The following LRBA variants were observed in gnomAD, a reference collection of about 807,000 sequenced individuals.
LRBA encodes the protein LPS responsive beige-like anchor protein, also known as lipopolysaccharide-responsive and beige-like anchor protein.
A neutral mutation model predicts 330.0 loss-of-function variants in LRBA; 176 were observed. That is an observed-to-expected ratio of 0.53 (90% CI 0.47 to 0.60). The LOEUF is 0.60. Ranked by LOEUF, LRBA falls within the 20% of genes least tolerant of loss-of-function variation. LRBA has a pLI of 0.00. For synonymous variants in LRBA, 1,230 were observed against 1,193.0 expected, an observed-to-expected ratio of 1.03 and a Z score of -0.64; for missense variants, 3,259 against 3,444.8, an observed-to-expected ratio of 0.95 and a Z score of 1.35.
chr4:150,910,909 T>C (rs1412941238), intron 9 of LRBA, among the ~76,000 whole-genome samples: 2 of 152,202 alleles, frequency 1.3e-5, no homozygotes, highest in African/African-American at 4.8e-5. Flanking sequence ...GCCACCTTGG[T>C]TGAGTTTATT....
chr4:150,960,879 G>A (rs936225655), intron 2 of LRBA, among the ~76,000 whole-genome samples: 2 of 149,310 alleles, frequency 1.3e-5, no homozygotes, highest in South Asian at 4.1e-4. Context: ...GTAACTCACA[G>A]CCTGTATTAA....
At chr4:150,561,874 A>C (rs756713096) in intron 40 of LRBA, among the ~76,000 whole-genome samples, 12 of 152,156 alleles carry the variant, frequency 7.9e-5, no homozygotes, top group Non-Finnish European at 1.2e-4. Flanking sequence ...TCCTGTACTA[A>C]ACAACACCCT....
intron 44 of LRBA, among the ~76,000 whole-genome samples, chr4:150,442,408 T>C (rs1751961813): frequency 6.6e-6 from 1 of 152,142 alleles, no homozygotes; most frequent in South Asian, 2.1e-4. Flanking sequence ...AGAAAAGTTG[T>C]CAAAACTGAA....
At chr4:150,600,123 A>G (rs1048416922) in intron 37 of LRBA, among the ~76,000 whole-genome samples, 30 of 152,094 alleles carry the variant, frequency 2.0e-4, no homozygotes, top group African/African-American at 6.0e-4. Context: ...GGAAAATACT[A>G]AAGTGTTTTC....
At chr4:150,418,618 A>C (rs915772981) in intron 46 of LRBA, among the ~76,000 whole-genome samples, 1 of 152,236 alleles carries the variant, frequency 6.6e-6, no homozygotes, top group Non-Finnish European at 1.5e-5. Flanking sequence ...TAAAAATTTA[A>C]ACAGTAAAAA....
rs78294294 is a variant in LRBA at position 150,785,963 on chromosome 4, G to A, written c.5580+12118C>T. 4.8e-3 allele frequency among the ~76,000 whole-genome samples: 735 copies of A among 152,230 alleles called. 51 individuals are homozygous for A. The East Asian group carries it at 0.12, about 25-fold the overall frequency. ...TTAATAGCTAGCACATAAAAACCAC[G>A]GAATCATCTTTGGGAGCCTATTGAA... On this transcript the variant is annotated intron_variant, in intron 34 of 56. Coordinates refer to ENST00000651943, the MANE Select transcript of LRBA (RefSeq NM_001364905.1).
At chr4:150,740,398 A>G (rs1033815069) in intron 35 of LRBA, among the ~76,000 whole-genome samples, 1 of 151,870 alleles carries the variant, frequency 6.6e-6, no homozygotes, top group Admixed American at 6.6e-5. Flanking sequence ...GTTAACAGTT[A>G]GTTATTTGAA....
At chr4:150,353,761 G>A (rs1737474233) in intron 47 of LRBA, among the ~76,000 whole-genome samples, 1 of 152,164 alleles carries the variant, frequency 6.6e-6, no homozygotes. Flanking sequence ...TCCTTAAGGA[G>A]TTGACCAGTA....
At chr4:150,798,642 C>T (rs904279563) in intron 33 of LRBA, among the ~76,000 whole-genome samples, 1 of 152,166 alleles carries the variant, frequency 6.6e-6, no homozygotes, top group African/African-American at 2.4e-5. Context: ...TAAACCTTAA[C>T]AGAAATGCAA....
intron 40 of LRBA, among the ~76,000 whole-genome samples, chr4:150,514,922 C>A (rs1762184367): frequency 6.6e-6 from 1 of 152,138 alleles, no homozygotes; most frequent in South Asian, 2.1e-4. Flanking sequence ...TAGGAGGCAA[C>A]ATTGCATTAG....
intron 2 of LRBA, 133 bp from the exon 3 acceptor site, chr4:150,929,198 G>A: frequency 1.7e-6 from 1 of 577,338 alleles, no homozygotes. Context: ...TAAAAAACAT[G>A]CAGCTCAAAA....
intron 26 of LRBA, among the ~76,000 whole-genome samples, chr4:150,846,157 A>T (rs1749809113): frequency 6.6e-6 from 1 of 152,214 alleles, no homozygotes; most frequent in Non-Finnish European, 1.5e-5. Context: ...AGACACAGAG[A>T]GACAAATATT....
intron 22 of LRBA, among the ~76,000 whole-genome samples, chr4:150,867,332 C>T (rs1244507241): frequency 6.6e-6 from 1 of 151,766 alleles, no homozygotes; most frequent in African/African-American, 2.4e-5. Context: ...AGGGCTTCCT[C>T]GAAAAAAAAT....
chr4:150,701,237 T>C (rs925756805), intron 36 of LRBA, among the ~76,000 whole-genome samples: 2 of 152,204 alleles, frequency 1.3e-5, no homozygotes, highest in African/African-American at 2.4e-5. Context: ...TCATCTCCTA[T>C]GATGACAATG....
intron 9 of LRBA, among the ~76,000 whole-genome samples, chr4:150,911,825 C>A (rs1452654910): frequency 6.6e-6 from 1 of 152,116 alleles, no homozygotes; most frequent in Non-Finnish European, 1.5e-5. Flanking sequence ...TAGTCCCTGG[C>A]TTTCTTTGTT....
intron 22 of LRBA, among the ~76,000 whole-genome samples, chr4:150,867,125 A>AAAAC (rs1020067357): frequency 6.6e-6 from 1 of 151,402 alleles, no homozygotes; most frequent in African/African-American, 2.4e-5. Flanking sequence ...AAAAAAAAAA[A>AAAAC]AAAAAAAACT....
intron 37 of LRBA, among the ~76,000 whole-genome samples, chr4:150,628,457 G>A (rs983782976): frequency 1.1e-4 from 17 of 152,050 alleles, no homozygotes; most frequent in South Asian, 4.2e-4. Flanking sequence ...TAACTTTCAC[G>A]AATAATGAGT....
chr4:150,462,345 C>T (rs953194874), intron 44 of LRBA, among the ~76,000 whole-genome samples: 4 of 151,420 alleles, frequency 2.6e-5, no homozygotes, highest in East Asian at 1.9e-4. Context: ...TTTTGCAATA[C>T]AAGAAAAGAT....
chr4:150,767,221 A>G (rs1030188562), intron 34 of LRBA, among the ~76,000 whole-genome samples: 3 of 152,354 alleles, frequency 2.0e-5, no homozygotes, highest in Admixed American at 2.0e-4. Flanking sequence ...TAATTTCTTT[A>G]GACATGAACT....
Sources: allele counts gnomAD v4.1 joint callset (sites outside exome capture counted in the v4.1 genomes callset), GRCh38; gene constraint gnomAD v4.1.1; transcripts MANE v1.5; gene names NCBI Gene and HGNC (gene_info 2026-07-23, HGNC 2026-07-21).